Variants in RBFOX1 observed in about 807,000 individuals in gnomAD.
The protein encoded by RBFOX1 is RNA binding fox-1 homolog 1.
A neutral mutation model predicts 57.7 loss-of-function variants in RBFOX1; 8 were observed. The observed-to-expected ratio is 0.14, with a 90% CI of 0.08 to 0.25. The LOEUF (loss-of-function observed/expected upper bound fraction) is 0.25, where lower values mean the gene tolerates loss of function less well. Among genes scored for constraint, RBFOX1 ranks in the 10% least tolerant of loss-of-function variants. The pLI is 1.00. For synonymous variants in RBFOX1, 326 were observed against 222.4 expected (o/e 1.47, Z -4.15); for missense variants, 611 against 548.5 (o/e 1.11, Z -1.14).
At position 5,939,027 on chromosome 16, in the gene RBFOX1, G is replaced by T. The variant is rs554707059; in HGVS notation, c.351+71692G>T. Among the ~76,000 whole-genome samples, 11 of 152,136 alleles carry T rather than the reference G, an allele frequency of 7.2e-5. No homozygotes were observed. The South Asian group carries it at 2.3e-3, about 32-fold the overall frequency. On this transcript the variant is annotated intron_variant, in intron 4 of 19. Transcript: ENST00000641259. ...AAACAGCTTATGTTCTCATTCATAGGTGGGAATTGAACAATGAGAACACTT... is the reference window on the plus strand; with the variant it reads ...AAACAGCTTATGTTCTCATTCATAGTTGGGAATTGAACAATGAGAACACTT...
In RBFOX1 at chr16:6,615,854, G is replaced by A. The variant is rs545990508; in HGVS notation, c.-63-38749G>A. On this transcript the variant is annotated intron_variant, in intron 2 of 15. Coordinates refer to ENST00000550418, the MANE Select transcript of RBFOX1 (RefSeq NM_018723.4). ...CTCACAGGCACTGTCTGCTTGGCACGTGGAACTGCGTTTCCTTGCTCGCGA... is the reference window on the plus strand; with the variant it reads ...CTCACAGGCACTGTCTGCTTGGCACATGGAACTGCGTTTCCTTGCTCGCGA... 2.2e-4 allele frequency among the ~76,000 whole-genome samples: 33 copies of A among 152,262 alleles called. 1 individual carries two copies. Among genetic ancestry groups the A allele is most frequent in the African/African-American group, 7.2e-4 (30 of 41,554 alleles).
In RBFOX1 at chr16:6,786,180, C is replaced by T. The variant is rs548673951; in HGVS notation, c.-16+131530C>T. ...GGGGGCCAGGCGAAGATTCCCATGACCCTGTTGACTCCTCATTCCTTGGGG... is the reference window on the plus strand; with the variant it reads ...GGGGGCCAGGCGAAGATTCCCATGATCCTGTTGACTCCTCATTCCTTGGGG... On this transcript the variant is annotated intron_variant, in intron 3 of 15. Transcript: ENST00000550418. Among the ~76,000 whole-genome samples the T allele has an allele frequency of 5.3e-5, 8 of 152,248 alleles. No individual in the cohort carries two copies. The East Asian group carries it at 9.7e-4, about 18-fold the overall frequency.
rs1567761887 is a variant in RBFOX1, at chr16:6,895,488, T to TATA, written c.-15-156569_-15-156568insATA. Among the ~76,000 whole-genome samples the TATA allele has an allele frequency of 1.9e-3, 122 of 65,486 alleles. 2 individuals are homozygous for TATA. Among genetic ancestry groups the TATA allele is most frequent in the African/African-American group, 3.4e-3 (57 of 16,618 alleles). The allele number at this position is 65,486 out of a possible 152,430, so 43.0% of individuals were successfully genotyped here. On this transcript the variant is annotated intron_variant, in intron 3 of 15. Coordinates refer to ENST00000550418, the MANE Select transcript of RBFOX1 (RefSeq NM_018723.4). The stretch of plus-strand genomic sequence containing the variant: ...TATATATATATATATATATATATAT[T>TATA]TATTCCCCTATTGGATAACAAGCTG...
At chr16:5,460,400 C>T (rs1378967337) in intron 1 of RBFOX1, among the ~76,000 whole-genome samples, 1 of 152,190 alleles carries the variant, frequency 6.6e-6, no homozygotes, top group Admixed American at 6.5e-5. Flanking sequence ...CACTGCACCT[C>T]CCTCATATTT....
chr16:6,654,590 C>G lies in RBFOX1; in HGVS notation c.-63-13C>G. The G allele has an allele frequency of 6.7e-7, 1 of 1,502,964 alleles. No homozygotes were observed. Among genetic ancestry groups the G allele is most frequent in the Non-Finnish European group, 8.8e-7 (1 of 1,133,600 alleles). The allele number at this position is 1,502,964 out of a possible 1,614,324, so 93.1% of individuals were successfully genotyped here. On this transcript the variant is annotated splice_polypyrimidine_tract_variant and intron_variant, in intron 2 of 15. Transcript: ENST00000550418. The stretch of plus-strand genomic sequence containing the variant: ...TCTTTCTCTCACTTTCCTTTCTTTT[C>G]TTCTCTTCTCAGGATATCAAAGCAG...
intron 3 of RBFOX1, among the ~76,000 whole-genome samples, chr16:6,815,403 A>C (rs1160390995): frequency 6.6e-6 from 1 of 152,154 alleles, no homozygotes; most frequent in African/African-American, 2.4e-5. Context: ...TCTCAGCCTT[A>C]CTTTACCTAA....
chr16:6,483,259 C>T (rs1025569412), intron 2 of RBFOX1: 32 of 1,291,600 alleles, frequency 2.5e-5, no homozygotes, highest in Middle Eastern at 3.0e-4. Context: ...CCTTTGTGCG[C>T]GCCCGGGTGT....
chr16:6,087,103 A>G (rs150971467), intron 1 of RBFOX1, among the ~76,000 whole-genome samples: 64 of 152,348 alleles, frequency 4.2e-4, no homozygotes, highest in African/African-American at 1.5e-3. Context: ...ACAGTAATCC[A>G]ATTTCCGTCA....
intron 1 of RBFOX1, among the ~76,000 whole-genome samples, chr16:5,462,238 G>A (rs1158531594): frequency 5.6e-5 from 8 of 143,636 alleles, no homozygotes; most frequent in Non-Finnish European, 1.0e-4. Flanking sequence ...GCACTATCTC[G>A]GCTCACTGCA....
chr16:5,697,532 A>T (rs904448847), intron 3 of RBFOX1, among the ~76,000 whole-genome samples: 27 of 133,902 alleles, frequency 2.0e-4, no homozygotes, highest in South Asian at 4.9e-4. Context: ...TTTCTTTTCT[A>T]TTCTTTTTTT....
At chr16:5,644,341 T>A (rs1226792678) in intron 3 of RBFOX1, among the ~76,000 whole-genome samples, 1 of 152,200 alleles carries the variant, frequency 6.6e-6, no homozygotes, top group African/African-American at 2.4e-5. Flanking sequence ...AAGGGCATAG[T>A]AACAGCACCC....
intron 2 of RBFOX1, among the ~76,000 whole-genome samples, chr16:6,593,773 G>T (rs1415319828): frequency 6.6e-6 from 1 of 152,196 alleles, no homozygotes; most frequent in Non-Finnish European, 1.5e-5. Context: ...AAACTGGAGA[G>T]CAGAAAGGCA....
In RBFOX1 at chr16:7,579,857, G is replaced by A; in HGVS notation, c.351G>A (p.Lys117=). The A allele has an allele frequency of 6.2e-7, 1 of 1,614,090 alleles. No homozygotes were observed. The highest frequency in any genetic ancestry group is 8.5e-7 in the Non-Finnish European group (1 of 1,179,970). Residue 117 remains lysine, a synonymous_variant, in exon 6 of 16, where the codon AAG becomes AAA. Transcript: ENST00000550418. ...ACACGGAAAACAAGTCTCAGCCCAA[G>A]CGGCTGCATGTCTCCAATATCCCCT... ...SENTENKSQP[K]RLHVSNIPFR... is the part of the protein sequence containing the mutation.
intron 4 of RBFOX1, among the ~76,000 whole-genome samples, chr16:7,102,618 A>C (rs891350624): frequency 6.6e-6 from 1 of 152,184 alleles, no homozygotes; most frequent in Non-Finnish European, 1.5e-5. Flanking sequence ...CTGACATTGC[A>C]CTTGTCACCT....
At chr16:6,329,095 C>T (rs537115719) in intron 2 of RBFOX1, among the ~76,000 whole-genome samples, 13 of 152,218 alleles carry the variant, frequency 8.5e-5, no homozygotes, top group Non-Finnish European at 1.6e-4. Flanking sequence ...TCTTTCCTTT[C>T]AAAACTCATA....
intron 15 of RBFOX1, chr16:7,710,291 T>C: frequency 8.8e-7 from 1 of 1,137,846 alleles, no homozygotes; most frequent in South Asian, 2.7e-5. Context: ...ATTCAACAAC[T>C]GGTCCAAATT....
intron 3 of RBFOX1, among the ~76,000 whole-genome samples, chr16:6,937,387 C>T (rs529435021): frequency 6.6e-6 from 1 of 152,064 alleles, no homozygotes; most frequent in African/African-American, 2.4e-5. Flanking sequence ...TTAGGAAAGT[C>T]TTATTAATGT....
intron 1 of RBFOX1, among the ~76,000 whole-genome samples, chr16:5,341,725 G>A (rs2065037146): frequency 6.6e-6 from 1 of 152,288 alleles, no homozygotes; most frequent in Admixed American, 6.5e-5. Flanking sequence ...CATACAGCTG[G>A]CCTTGACCGA....
chr16:5,856,537 A>ATGTGTGTG (rs774246673), intron 3 of RBFOX1, among the ~76,000 whole-genome samples: 1 of 70,240 alleles, frequency 1.4e-5, no homozygotes, highest in African/African-American at 5.5e-5. Context: ...ATATATGTGT[A>ATGTGTGTG]TGTGTGTGTG....
Sources: gnomAD v4.1 joint callset for allele counts (sites outside exome capture counted in the v4.1 genomes callset) on GRCh38, gnomAD v4.1.1 for gene constraint, MANE v1.5 for transcripts, NCBI Gene and HGNC (gene_info 2026-07-23, HGNC 2026-07-21) for gene names.